The following LRMDA variants were observed in gnomAD, a reference collection of about 807,000 sequenced individuals.
LRMDA encodes the protein leucine rich melanocyte differentiation associated, also known as leucine-rich melanocyte differentiation-associated protein.
LRMDA carries 18 observed loss-of-function variants against 29.8 expected under a neutral mutation model. The ratio of observed to expected loss-of-function variants is 0.60; its 90% CI spans 0.42 to 0.90. The LOEUF is 0.90. Ranked by LOEUF, LRMDA falls within the 40% of genes least tolerant of loss-of-function variation. LRMDA has a pLI of 0.00. For synonymous variants in LRMDA, 125 were observed against 109.4 expected, an observed-to-expected ratio of 1.14 and a Z score of -0.89; for missense variants, 273 against 273.9, an observed-to-expected ratio of 1.00 and a Z score of 0.02.
chr10:76,006,983 C>CGTGT (rs572881040), intron 2 of LRMDA, among the ~76,000 whole-genome samples: 4,102 of 116,054 alleles, frequency 0.035, 145 homozygotes, highest in Non-Finnish European at 0.042. Flanking sequence ...ATGGAGAAGG[C>CGTGT]GTGTGTGTGT....
In LRMDA at chr10:75,527,889, T is replaced by A. The variant is rs138698271; in HGVS notation, c.131+89395T>A. Among the ~76,000 whole-genome samples, 703 of 151,996 alleles carry A rather than the reference T, an allele frequency of 4.6e-3. 7 individuals are homozygous for A. The highest frequency in any genetic ancestry group is 7.9e-3 in the Non-Finnish European group (539 of 67,980). On this transcript the variant is annotated intron_variant, in intron 2 of 6. Coordinates refer to ENST00000611255, the MANE Select transcript of LRMDA (RefSeq NM_001305581.2). ...CCTCGACCTTCTGGGATCAAGTGAT[T>A]CTCTCACTTCGGCCTCCCAAGGAAC...
chr10:76,127,684 GAA>G (rs369919157), intron 5 of LRMDA, among the ~76,000 whole-genome samples: 5 of 144,206 alleles, frequency 3.5e-5, no homozygotes, highest in Non-Finnish European at 6.1e-5. Context: ...AGCTTGGGAG[GAA>G]AAAAAAAATC....
At chr10:75,544,030 A>T (rs1840049276) in intron 2 of LRMDA, among the ~76,000 whole-genome samples, 1 of 152,146 alleles carries the variant, frequency 6.6e-6, no homozygotes, top group African/African-American at 2.4e-5. Context: ...CCAAGAACCA[A>T]CTTCAAAGGA....
chr10:75,990,155 G>A (rs980610925), intron 2 of LRMDA, among the ~76,000 whole-genome samples: 1 of 152,246 alleles, frequency 6.6e-6, no homozygotes, highest in Non-Finnish European at 1.5e-5. Context: ...TTGATTTATC[G>A]GGGAGAGGTA....
At chr10:76,023,142 C>T (rs569726373) in intron 2 of LRMDA, among the ~76,000 whole-genome samples, 38 of 152,022 alleles carry the variant, frequency 2.5e-4, no homozygotes, top group African/African-American at 9.2e-4. Context: ...CAGGGCATCT[C>T]AAGATCCATC....
intron 2 of LRMDA, among the ~76,000 whole-genome samples, chr10:75,788,997 AG>A (rs1333211788): frequency 6.6e-6 from 1 of 152,240 alleles, no homozygotes; most frequent in East Asian, 1.9e-4. Context: ...GCTAGGTCAA[AG>A]GGTATGTGCC....
chr10:76,458,164 T>C (rs557011980), intron 6 of LRMDA, among the ~76,000 whole-genome samples: 1 of 66,210 alleles, frequency 1.5e-5, no homozygotes, highest in Non-Finnish European at 4.4e-5. Context: ...TAAAAAAAAT[T>C]TGGCCTGTTT....
chr10:75,436,659 TG>T (rs1041151393), intron 1 of LRMDA, among the ~76,000 whole-genome samples: 32 of 152,030 alleles, frequency 2.1e-4, no homozygotes, highest in Middle Eastern at 3.4e-3. Context: ...TTAGTAGAGA[TG>T]GGGTTTCACC....
intron 2 of LRMDA, among the ~76,000 whole-genome samples, chr10:75,771,312 C>T (rs1009592358): frequency 5.9e-5 from 9 of 151,866 alleles, no homozygotes; most frequent in African/African-American, 2.2e-4. Flanking sequence ...ATCCATTTAG[C>T]CAAGAGTTCT....
At chr10:76,519,066 T>G (rs1236546876) in intron 6 of LRMDA, among the ~76,000 whole-genome samples, 1 of 152,132 alleles carries the variant, frequency 6.6e-6, no homozygotes, top group African/African-American at 2.4e-5. Context: ...CCCAGCACTT[T>G]GGGAGGCTGA....
rs547108201 is a variant in LRMDA, at chr10:75,945,772, C to G, written c.132-90236C>G. 5.9e-5 allele frequency among the ~76,000 whole-genome samples: 9 copies of G among 152,188 alleles called. No homozygotes were observed. The East Asian group carries it at 1.5e-3, about 26-fold the overall frequency. On this transcript the variant is annotated intron_variant, in intron 2 of 6. Coordinates refer to ENST00000611255, the MANE Select transcript of LRMDA (RefSeq NM_001305581.2). Reference sequence around the variant, plus strand: ...GGCAGCTACATTGATATTTAAAACACCTTGTGTAGGGAAAAAAATCATGCC... The same window carrying G: ...GGCAGCTACATTGATATTTAAAACAGCTTGTGTAGGGAAAAAAATCATGCC...
chr10:76,084,364 A>ATTTTTGTTTT (rs1849099143), intron 5 of LRMDA, among the ~76,000 whole-genome samples: 2 of 70,906 alleles, frequency 2.8e-5, no homozygotes, highest in Non-Finnish European at 5.2e-5. Flanking sequence ...CGCCCAGCTA[A>ATTTTTGTTTT]TTTTTTTTTT....
At chr10:76,070,197 G>A (rs1848853221) in intron 5 of LRMDA, among the ~76,000 whole-genome samples, 1 of 152,182 alleles carries the variant, frequency 6.6e-6, no homozygotes, top group African/African-American at 2.4e-5. Context: ...GACTCTTTTT[G>A]TGGCACTGCT....
chr10:76,504,367 A>G (rs1198130655), intron 6 of LRMDA, among the ~76,000 whole-genome samples: 1 of 151,992 alleles, frequency 6.6e-6, no homozygotes. Flanking sequence ...TGTCATGTTT[A>G]AATCCATAAT....
intron 2 of LRMDA, among the ~76,000 whole-genome samples, chr10:75,788,356 A>T (rs1434768596): frequency 6.6e-6 from 1 of 152,128 alleles, no homozygotes; most frequent in Non-Finnish European, 1.5e-5. Flanking sequence ...TGTGGCTTTC[A>T]TTTTCTAAGA....
At chr10:75,779,211 T>C (rs895357785) in intron 2 of LRMDA, among the ~76,000 whole-genome samples, 4 of 152,208 alleles carry the variant, frequency 2.6e-5, no homozygotes, top group African/African-American at 9.7e-5. Context: ...GCTACTGTTT[T>C]TCTCATTTCA....
chr10:75,650,342 G>A (rs1841581950), intron 2 of LRMDA, among the ~76,000 whole-genome samples: 1 of 152,146 alleles, frequency 6.6e-6, no homozygotes. Context: ...GCATGTGGAT[G>A]TCCAGTTTTC....
chr10:76,130,741 C>T (rs1849976168), intron 5 of LRMDA, among the ~76,000 whole-genome samples: 3 of 152,158 alleles, frequency 2.0e-5, no homozygotes. Context: ...CTCACTGCAA[C>T]CTCTGCCTCC....
At chr10:75,963,784 C>T (rs542102452) in intron 2 of LRMDA, among the ~76,000 whole-genome samples, 1 of 152,316 alleles carries the variant, frequency 6.6e-6, no homozygotes, top group South Asian at 2.1e-4. Flanking sequence ...CAAAGTGGTG[C>T]ACTGATGCCA....
Sources: gnomAD v4.1 joint callset for allele counts (sites outside exome capture counted in the v4.1 genomes callset) on GRCh38, gnomAD v4.1.1 for gene constraint, MANE v1.5 for transcripts, NCBI Gene and HGNC (gene_info 2026-07-23, HGNC 2026-07-21) for gene names.